KIF1B: variants seen among roughly 807,000 people sequenced by gnomAD.
The protein encoded by KIF1B is kinesin-like protein KIF1B.
Under a neutral mutation model 241.9 loss-of-function variants are expected in KIF1B, and 76 were observed. That is an observed-to-expected ratio of 0.31 (90% confidence interval 0.26 to 0.38). The LOEUF (loss-of-function observed/expected upper bound fraction) is 0.38. KIF1B is among the 10% of genes least tolerant of loss of function. The pLI is 1.00. For synonymous variants in KIF1B, 750 were observed against 796.7 expected, an observed-to-expected ratio of 0.94 and a Z score of 0.99; for missense variants, 1,622 against 2,271.4, an observed-to-expected ratio of 0.71 and a Z score of 5.81.
At chr1:10,327,105 T>G (rs1378490273) in intron 27 of KIF1B, among the ~76,000 whole-genome samples, 1 of 152,122 alleles carries the variant, frequency 6.6e-6, no homozygotes, top group African/African-American at 2.4e-5. Context: ...GCACTTTGGC[T>G]CACACCTGTA....
rs1638560138 is a variant in KIF1B at position 10,365,985 on chromosome 1, CT to C, written c.4752+340del. 6.6e-6 allele frequency among the ~76,000 whole-genome samples: 1 copy of C among 152,162 alleles called. No individual in the cohort carries two copies. Among genetic ancestry groups the C allele is most frequent in the East Asian group, 1.9e-4 (1 of 5,190 alleles). On this transcript the variant is annotated intron_variant, in intron 43 of 48. Coordinates refer to ENST00000676179, the MANE Select transcript of KIF1B (RefSeq NM_001365951.3). This position sits in a 1 kb window ranked among gnomAD's most constrained non-coding sequence, Gnocchi z 4.0. The stretch of plus-strand genomic sequence containing the variant: ...GTGGCTCACACCTGTAATCCCAGCA[CT>C]TTGCAGGGCTGAGGCAGGTGGATTA...
In KIF1B at chr1:10,210,813, C is replaced by T. The variant is rs1049447924; in HGVS notation, c.-145C>T. On this transcript the variant is annotated 5_prime_UTR_variant, in exon 1 of 49. Transcript: ENST00000676179. The surrounding 1 kb of genome is among the most constrained non-coding windows in gnomAD (Gnocchi z 4.1). ...GCTGAGGTGCGTCGGTGCCCGGCCC[C>T]CCGCGCCCCCGCGCGCCGCGGCTCC... 6.7e-6 allele frequency: 1 copy of T among 149,100 alleles called. No individual in the cohort carries two copies. The highest frequency in any genetic ancestry group is 2.4e-5 in the African/African-American group (1 of 41,114). The allele number at this position is 149,100 out of a possible 1,614,324, so 9.2% of individuals were successfully genotyped here.
At chr1:10,367,279 A>G (rs1003247706) in intron 43 of KIF1B, among the ~76,000 whole-genome samples, 9 of 151,312 alleles carry the variant, frequency 5.9e-5, no homozygotes, top group Admixed American at 5.9e-4. Context: ...TATTTTTAGT[A>G]GAGACAGAGT....
intron 5 of KIF1B, among the ~76,000 whole-genome samples, chr1:10,263,279 AATAATAAT>A (rs1557673563): frequency 6.9e-6 from 1 of 145,852 alleles, no homozygotes; most frequent in Non-Finnish European, 1.5e-5. Context: ...TCAAAAAAAA[AATAATAAT>A]AATAAATAAA....
At position 10,371,127 on chromosome 1, in the gene KIF1B, C is replaced by T. The variant is rs994659492; in HGVS notation, c.4825-14C>T. 9 of 1,614,048 alleles carry T rather than the reference C, an allele frequency of 5.6e-6. No individual in the cohort carries two copies. Among genetic ancestry groups the T allele is most frequent in the Middle Eastern group, 1.7e-4 (1 of 6,056 alleles). ...TCAGCTGAATGTAACTTGTAGTGTT[C>T]GGTTTGCTTCCAGTTGTCTGATATC... On this transcript the variant is annotated splice_polypyrimidine_tract_variant and intron_variant, in intron 44 of 48. Coordinates refer to ENST00000676179, the MANE Select transcript of KIF1B (RefSeq NM_001365951.3).
chr1:10,363,262 T>G (rs201847054), intron 40 of KIF1B, 21 bp from the exon 41 acceptor site: 2 of 1,599,850 alleles, frequency 1.3e-6, no homozygotes, highest in Admixed American at 3.3e-5. Context: ...ATTAAACAAT[T>G]GTTTTATTTT....
chr1:10,313,893 T>TATG (rs1157330228), intron 22 of KIF1B, among the ~76,000 whole-genome samples: 4 of 150,204 alleles, frequency 2.7e-5, no homozygotes, highest in Non-Finnish European at 5.9e-5. Context: ...AAAAAATTAT[T>TATG]ATTATTATTA....
Position 10,352,668 on chromosome 1 carries a change from A to G in KIF1B, c.3987A>G (p.Ala1329=). The change falls in exon 38 of 49, where the codon GCA becomes GCG. Residue 1329 remains alanine, a synonymous_variant. Transcript: ENST00000676179. ...ATAAGCCTGAGGTGGATGAAGCTGC[A>G]GTTGATGCCATCCTCTCCCTAAATA... is the stretch of plus-strand genomic sequence containing the variant. ...IRNKPEVDEA[A]VDAILSLNII... The G allele has an allele frequency of 6.2e-7, 1 of 1,614,050 alleles. No individual in the cohort carries two copies. The highest frequency in any genetic ancestry group is 8.5e-7 in the Non-Finnish European group (1 of 1,179,972).
chr1:10,283,474 T>G (rs912077603), intron 15 of KIF1B, among the ~76,000 whole-genome samples: 2 of 152,200 alleles, frequency 1.3e-5, no homozygotes, highest in African/African-American at 2.4e-5. Flanking sequence ...CTCTGTCAGG[T>G]TCGATCTTAT....
intron 38 of KIF1B, among the ~76,000 whole-genome samples, chr1:10,354,202 A>G (rs1243895338): frequency 6.6e-6 from 1 of 152,222 alleles, no homozygotes; most frequent in East Asian, 1.9e-4. Context: ...GTCAAGAATA[A>G]CAACAACAAC....
At chr1:10,302,672 T>C (rs908696831) in intron 22 of KIF1B, among the ~76,000 whole-genome samples, 15 of 152,144 alleles carry the variant, frequency 9.9e-5, no homozygotes, top group Non-Finnish European at 4.4e-5. Flanking sequence ...TGCTCACTCA[T>C]GGGGGAAAGA....
Position 10,334,083 on chromosome 1 carries a change from G to A in KIF1B, c.2925-437G>A, listed in dbSNP as rs1652067229. Among the ~76,000 whole-genome samples the A allele has an allele frequency of 2.7e-5, 4 of 150,342 alleles. No homozygotes were observed. The South Asian group carries it at 6.3e-4, about 24-fold the overall frequency. On this transcript the variant is annotated intron_variant, in intron 27 of 48. Coordinates refer to ENST00000676179, the MANE Select transcript of KIF1B (RefSeq NM_001365951.3). ...GGAGAATCACTTGAACCCGGGAGCCGGAGGTTGCAGTGAGCTGAGATCGTG... is the reference window on the plus strand; with the variant it reads ...GGAGAATCACTTGAACCCGGGAGCCAGAGGTTGCAGTGAGCTGAGATCGTG...
chr1:10,274,092 A>G (rs999569908), intron 10 of KIF1B, among the ~76,000 whole-genome samples: 1 of 151,152 alleles, frequency 6.6e-6, no homozygotes, highest in African/African-American at 2.4e-5. Context: ...GCCCGCCACC[A>G]CCCCCGGCTA....
intron 36 of KIF1B, among the ~76,000 whole-genome samples, 179 bp downstream of exon 36, chr1:10,348,006 T>C (rs1652649910): frequency 6.6e-6 from 1 of 152,158 alleles, no homozygotes; most frequent in Non-Finnish European, 1.5e-5. Flanking sequence ...TCCTCAGACC[T>C]TGGCTTATAT....
chr1:10,276,877 T>C (rs572210408), intron 12 of KIF1B, among the ~76,000 whole-genome samples: 3 of 152,170 alleles, frequency 2.0e-5, no homozygotes, highest in Non-Finnish European at 2.9e-5. Flanking sequence ...GGTCAGGAGT[T>C]TGAGACCAGC....
Position 10,337,395 on chromosome 1 carries a change from A to G in KIF1B, c.3284A>G (p.Asp1095Gly). 1.2e-6 allele frequency: 2 copies of G among 1,614,120 alleles called. No individual in the cohort carries two copies. The highest frequency in any genetic ancestry group is 1.7e-6 in the Non-Finnish European group (2 of 1,180,014). ...DLDLKSSTLLDGKMVMEGFSE... is the reference protein window; with the variant it reads ...DLDLKSSTLLGGKMVMEGFSE... ...GATTTGAAGTCAAGCACTTTGCTGGATGGTAAGATGGTAATGGAAGGGTTT... is the reference window on the plus strand; with the variant it reads ...GATTTGAAGTCAAGCACTTTGCTGGGTGGTAAGATGGTAATGGAAGGGTTT... Residue 1095 changes from aspartate to glycine, a missense_variant, in exon 31 of 49, where the codon GAT becomes GGT. This residue lies in a region of KIF1B where 803 missense variants were observed against 1,112.0 expected (regional missense o/e 0.72). Coordinates refer to ENST00000676179, the MANE Select transcript of KIF1B (RefSeq NM_001365951.3). This position sits in a 1 kb window ranked among gnomAD's most constrained non-coding sequence, Gnocchi z 4.0.
rs1652241704 is a variant in KIF1B at position 10,337,901 on chromosome 1, A to G, written c.3422+368A>G. 6.6e-6 allele frequency among the ~76,000 whole-genome samples: 1 copy of G among 152,200 alleles called. No homozygotes were observed. The highest frequency in any genetic ancestry group is 2.1e-4 in the South Asian group (1 of 4,832). Reference sequence around the variant, plus strand: ...AAAGCAATGACTTATCTAGCTAGCAATTACGCCTATTTAATACTCGGGAAA... The same window carrying G: ...AAAGCAATGACTTATCTAGCTAGCAGTTACGCCTATTTAATACTCGGGAAA... On this transcript the variant is annotated intron_variant, in intron 31 of 48. Coordinates refer to ENST00000676179, the MANE Select transcript of KIF1B (RefSeq NM_001365951.3). This position sits in a 1 kb window ranked among gnomAD's most constrained non-coding sequence, Gnocchi z 4.0.
In KIF1B at chr1:10,296,925, T is replaced by C. The variant is rs748156376; in HGVS notation, c.1890T>C (p.His630=). The C allele has an allele frequency of 6.2e-7, 1 of 1,614,100 alleles. No individual in the cohort carries two copies. Among genetic ancestry groups the C allele is most frequent in the South Asian group, 1.1e-5 (1 of 91,078 alleles). The change falls in exon 21 of 49, where the codon CAT becomes CAC. Residue 630 remains histidine (H), a synonymous_variant. Transcript: ENST00000676179. ...ACCGTATCATCATGGGTAAAAACCA[T>C]GTTTTCCGCTTTAACCACCCGGAAC... ...SGNRIIMGKN[H]VFRFNHPEQA...
At chr1:10,330,534 G>A (rs1651883334) in intron 27 of KIF1B, among the ~76,000 whole-genome samples, 1 of 146,022 alleles carries the variant, frequency 6.8e-6, no homozygotes, top group African/African-American at 2.5e-5. Flanking sequence ...GATAGATATA[G>A]TTAGGAATCT....
Sources: allele counts gnomAD v4.1 joint callset (sites outside exome capture counted in the v4.1 genomes callset), GRCh38; gene constraint gnomAD v4.1.1; regional missense constraint gnomAD v4.1.1; non-coding constraint Gnocchi (gnomAD v3.1); transcripts MANE v1.5; gene names NCBI Gene and HGNC (gene_info 2026-07-23, HGNC 2026-07-21).